The following CHL1 variants were observed in gnomAD, a reference collection of about 807,000 sequenced individuals.
CHL1 encodes the protein neural cell adhesion molecule L1-like protein.
CHL1 carries 96 observed loss-of-function variants against 141.9 expected under a neutral mutation model. That is an observed-to-expected ratio of 0.68 (90% CI 0.57 to 0.80). CHL1 has a LOEUF of 0.80. Ranked by LOEUF, CHL1 falls within the 30% of genes least tolerant of loss-of-function variation. The pLI, the probability that CHL1 is intolerant of heterozygous loss-of-function variation, is 0.00. For synonymous variants in CHL1, 613 were observed against 502.2 expected, an observed-to-expected ratio of 1.22 and a Z score of -2.95; for missense variants, 1,820 against 1,457.2, an observed-to-expected ratio of 1.25 and a Z score of -4.05.
intron 2 of CHL1, among the ~76,000 whole-genome samples, chr3:275,829 T>G (rs1559368176): frequency 6.6e-6 from 1 of 152,044 alleles, no homozygotes; most frequent in Non-Finnish European, 1.5e-5. Flanking sequence ...TAAACTTACA[T>G]AAAAAAACTA....
chr3:270,407 T>C (rs560062828), intron 2 of CHL1, among the ~76,000 whole-genome samples: 1 of 152,142 alleles, frequency 6.6e-6, no homozygotes, highest in Non-Finnish European at 1.5e-5. Context: ...CAATCATAGG[T>C]AGCGAGGTTG....
chr3:344,584 T>C lies in CHL1; in HGVS notation c.728-5T>C. On this transcript the variant is annotated splice_polypyrimidine_tract_variant and splice_region_variant and intron_variant, in intron 8 of 27. Coordinates refer to ENST00000256509, the MANE Select transcript of CHL1 (RefSeq NM_006614.4). ...AAATTCTGACTTTTCTTTTCTATTT[T>C]GTAGCAAATTCCATCAAGCAAAGAA... The C allele has an allele frequency of 6.2e-7, 1 of 1,605,646 alleles. No homozygotes were observed. The highest frequency in any genetic ancestry group is 1.1e-5 in the South Asian group (1 of 89,316).
At chr3:389,738 G>A (rs1046223955) in intron 20 of CHL1, among the ~76,000 whole-genome samples, 7 of 152,092 alleles carry the variant, frequency 4.6e-5, no homozygotes, top group Non-Finnish European at 7.4e-5. Context: ...GAAAATTGAA[G>A]ACCTGGAATT....
chr3:270,744 G>A (rs1157380647), intron 2 of CHL1, among the ~76,000 whole-genome samples: 1 of 152,188 alleles, frequency 6.6e-6, no homozygotes, highest in Non-Finnish European at 1.5e-5. Flanking sequence ...GTTAGCTGGG[G>A]CTGCAGTTAT....
At chr3:240,133 T>C (rs12495472) in intron 1 of CHL1, among the ~76,000 whole-genome samples, 1 of 152,140 alleles carries the variant, frequency 6.6e-6, no homozygotes, top group East Asian at 1.9e-4. Flanking sequence ...CTGAATCAAA[T>C]GGTAGAGCTA....
intron 2 of CHL1, among the ~76,000 whole-genome samples, chr3:252,973 A>C (rs888778685): frequency 6.6e-6 from 1 of 152,064 alleles, no homozygotes; most frequent in African/African-American, 2.4e-5. Flanking sequence ...GAACATTAGC[A>C]TGGCCTAATT....
chr3:300,765 G>T (rs1698651408), intron 2 of CHL1, among the ~76,000 whole-genome samples: 1 of 148,656 alleles, frequency 6.7e-6, no homozygotes, highest in African/African-American at 2.5e-5. Flanking sequence ...CTTATTTCTA[G>T]GAAAAAAAAA....
chr3:296,677 T>G (rs1275547789), intron 2 of CHL1, among the ~76,000 whole-genome samples: 1 of 152,156 alleles, frequency 6.6e-6, no homozygotes, highest in African/African-American at 2.4e-5. Flanking sequence ...GTCATGAGCC[T>G]GCACTTGGGA....
At chr3:230,337 A>T (rs1327100834) in intron 1 of CHL1, among the ~76,000 whole-genome samples, 2 of 152,180 alleles carry the variant, frequency 1.3e-5, no homozygotes, top group African/African-American at 4.8e-5. Context: ...CTTAACACTG[A>T]CAAAATCCCA....
chr3:258,379 A>G (rs886295757), intron 2 of CHL1, among the ~76,000 whole-genome samples: 2 of 152,248 alleles, frequency 1.3e-5, no homozygotes, highest in African/African-American at 2.4e-5. Flanking sequence ...TCTGTGGCCA[A>G]CATCTACTTC....
chr3:247,552 G>A (rs1693283280), intron 2 of CHL1: 1 of 152,108 alleles, frequency 6.6e-6, no homozygotes, highest in African/African-American at 2.4e-5. Flanking sequence ...CAGAAGGAGG[G>A]AAAGATTTTC....
At chr3:347,436 AT>A (rs1401017964) in intron 9 of CHL1, among the ~76,000 whole-genome samples, 2 of 152,178 alleles carry the variant, frequency 1.3e-5, no homozygotes, top group Non-Finnish European at 2.9e-5. Flanking sequence ...AGAGCTGAAA[AT>A]TTTTGCCATG....
At chr3:301,206 G>A (rs1305989871) in intron 2 of CHL1, among the ~76,000 whole-genome samples, 2 of 152,156 alleles carry the variant, frequency 1.3e-5, no homozygotes, top group African/African-American at 2.4e-5. Context: ...GGAGGGAGCT[G>A]AACCTCATCA....
At chr3:222,255 G>T (rs949303716) in intron 1 of CHL1, among the ~76,000 whole-genome samples, 3 of 152,130 alleles carry the variant, frequency 2.0e-5, no homozygotes, top group African/African-American at 4.8e-5. Context: ...GAAGCTCTAG[G>T]GGAGAATCTG....
At chr3:320,397 T>C (rs1700468963) in intron 3 of CHL1, among the ~76,000 whole-genome samples, 1 of 152,036 alleles carries the variant, frequency 6.6e-6, no homozygotes, top group Admixed American at 6.6e-5. Flanking sequence ...TGAATTCATA[T>C]TAAGAGGTTA....
At chr3:211,291 A>G (rs1321571140) in intron 1 of CHL1, among the ~76,000 whole-genome samples, 3 of 152,212 alleles carry the variant, frequency 2.0e-5, no homozygotes, top group Non-Finnish European at 2.9e-5. Flanking sequence ...TCCTATACCT[A>G]TAACTCTCAA....
chr3:205,192 C>G (rs535606986), intron 1 of CHL1, among the ~76,000 whole-genome samples: 78 of 149,942 alleles, frequency 5.2e-4, no homozygotes, highest in African/African-American at 1.8e-3. Context: ...CTCACTGCAA[C>G]CTCGAACTCC....
intron 5 of CHL1, among the ~76,000 whole-genome samples, chr3:338,944 A>G (rs1702149103): frequency 6.6e-6 from 1 of 152,214 alleles, no homozygotes; most frequent in African/African-American, 2.4e-5. Context: ...TTAGGGATTT[A>G]TACATCTTAT....
intron 1 of CHL1, among the ~76,000 whole-genome samples, chr3:241,646 T>C (rs1258117906): frequency 2.0e-5 from 3 of 152,104 alleles, no homozygotes; most frequent in Non-Finnish European, 4.4e-5. Flanking sequence ...TTTGTGCATA[T>C]ACTATATTTT....
Sources: allele counts gnomAD v4.1 joint callset (sites outside exome capture counted in the v4.1 genomes callset), GRCh38; gene constraint gnomAD v4.1.1; transcripts MANE v1.5; gene names NCBI Gene and HGNC (gene_info 2026-07-23, HGNC 2026-07-21).